AGBL4: variants seen among roughly 807,000 people sequenced by gnomAD.
The protein encoded by AGBL4 is cytosolic carboxypeptidase 6.
Under a neutral mutation model 66.4 loss-of-function variants are expected in AGBL4, and 58 were observed. The observed-to-expected ratio is 0.87, with a 90% CI of 0.71 to 1.09. The LOEUF (loss-of-function observed/expected upper bound fraction) is 1.09, where lower values mean the gene tolerates loss of function less well. Ranked by LOEUF, AGBL4 falls within the 50% of genes least tolerant of loss-of-function variation. The pLI, the probability that AGBL4 is intolerant of heterozygous loss-of-function variation, is 0.00. For synonymous variants in AGBL4, 234 were observed against 222.9 expected, an observed-to-expected ratio of 1.05 and a Z score of -0.44; for missense variants, 579 against 631.0, an observed-to-expected ratio of 0.92 and a Z score of 0.88.
rs2094065 is a variant in AGBL4, at chr1:48,982,963, T to A, written c.594+62621A>T. Among the ~76,000 whole-genome samples, 1,499 of 152,296 alleles carry A rather than the reference T, an allele frequency of 9.8e-3. 35 individuals carry two copies. Among genetic ancestry groups the A allele is most frequent in the African/African-American group, 0.032 (1,341 of 41,578 alleles). On this transcript the variant is annotated intron_variant, in intron 5 of 13. Transcript: ENST00000371839. ...TTCTCTGATGGTGCCAACTAAGGAA[T>A]TAAAACAGGGTTTTACAAGAGAGTG... is the stretch of plus-strand genomic sequence containing the variant.
Position 49,311,263 on chromosome 1 carries a change from G to A in AGBL4, c.283-65399C>T, listed in dbSNP as rs1382623358. Among the ~76,000 whole-genome samples the A allele has an allele frequency of 2.3e-4, 35 of 151,980 alleles. 1 individual carries two copies. The highest frequency in any genetic ancestry group is 2.3e-3 in the Admixed American group (35 of 15,218). On this transcript the variant is annotated intron_variant, in intron 3 of 13. Transcript: ENST00000371839. ...CTTAAATGTTTTACCATGCCACAGA[G>A]GTAGAGAAAGTGGTAGGATTTGATG...
intron 3 of AGBL4, among the ~76,000 whole-genome samples, chr1:49,663,099 T>C (rs1358657398): frequency 6.6e-6 from 1 of 152,112 alleles, no homozygotes; most frequent in Non-Finnish European, 1.5e-5. Context: ...AAATCACTCT[T>C]AAAACACACT....
At chr1:49,501,159 T>C (rs1398911689) in intron 3 of AGBL4, among the ~76,000 whole-genome samples, 3 of 152,106 alleles carry the variant, frequency 2.0e-5, no homozygotes, top group Non-Finnish European at 4.4e-5. Flanking sequence ...CTAAAAGGGG[T>C]TGAGTTCTTC....
At chr1:49,446,708 T>C (rs1198005967) in intron 3 of AGBL4, among the ~76,000 whole-genome samples, 1 of 152,150 alleles carries the variant, frequency 6.6e-6, no homozygotes, top group African/African-American at 2.4e-5. Context: ...GTGTGGACGA[T>C]GACAGTAGCA....
chr1:49,716,903 A>G (rs529812867), intron 2 of AGBL4, among the ~76,000 whole-genome samples: 45 of 152,268 alleles, frequency 3.0e-4, no homozygotes, highest in Middle Eastern at 3.4e-3. Context: ...CTCCTATTCA[A>G]CATAGTGTTG....
intron 3 of AGBL4, among the ~76,000 whole-genome samples, chr1:49,408,307 C>T (rs868595083): frequency 6.6e-5 from 10 of 152,198 alleles, no homozygotes; most frequent in African/African-American, 2.2e-4. Context: ...TTTTAAATAC[C>T]AAATAAATGC....
At chr1:49,244,876 A>G (rs1457843979) in intron 4 of AGBL4, among the ~76,000 whole-genome samples, 2 of 151,816 alleles carry the variant, frequency 1.3e-5, no homozygotes, top group Middle Eastern at 3.2e-3. Context: ...TTGTCTTTGA[A>G]GTCTTTCATT....
intron 2 of AGBL4, among the ~76,000 whole-genome samples, chr1:49,849,269 A>G (rs987972522): frequency 2.6e-5 from 4 of 152,042 alleles, no homozygotes; most frequent in Non-Finnish European, 5.9e-5. Flanking sequence ...GAAACACGGG[A>G]TTGTGAAACT....
chr1:48,652,762 G>T (rs1452422757), intron 8 of AGBL4, among the ~76,000 whole-genome samples: 1 of 152,136 alleles, frequency 6.6e-6, no homozygotes, highest in Admixed American at 6.5e-5. Context: ...GTAAATTATG[G>T]TGCTAAGCCA....
intron 3 of AGBL4, among the ~76,000 whole-genome samples, chr1:49,513,496 T>C (rs955179596): frequency 2.0e-5 from 3 of 152,010 alleles, no homozygotes; most frequent in African/African-American, 7.2e-5. Flanking sequence ...AGCTCTAATT[T>C]ATAAGTGAGA....
At chr1:49,375,275 T>C (rs1350959029) in intron 3 of AGBL4, among the ~76,000 whole-genome samples, 3 of 152,130 alleles carry the variant, frequency 2.0e-5, no homozygotes, top group Non-Finnish European at 4.4e-5. Context: ...CTGATTCCTA[T>C]ACATGGCTCA....
intron 3 of AGBL4, among the ~76,000 whole-genome samples, chr1:49,504,248 G>T (rs1446134309): frequency 6.6e-6 from 1 of 152,066 alleles, no homozygotes; most frequent in Non-Finnish European, 1.5e-5. Flanking sequence ...TGCCATGATT[G>T]TAAGTTTTCT....
chr1:49,858,686 T>C (rs1041827749), intron 1 of AGBL4, among the ~76,000 whole-genome samples: 2 of 151,818 alleles, frequency 1.3e-5, no homozygotes, highest in South Asian at 4.2e-4. Flanking sequence ...AGACCAATAA[T>C]CCTAAAAGTA....
chr1:48,716,674 C>G (rs932998224), intron 6 of AGBL4, among the ~76,000 whole-genome samples: 1 of 152,152 alleles, frequency 6.6e-6, no homozygotes, highest in African/African-American at 2.4e-5. Flanking sequence ...GGGTGGGAAC[C>G]TGGGATAAGT....
At chr1:49,350,200 T>G (rs1309067134) in intron 3 of AGBL4, among the ~76,000 whole-genome samples, 2 of 149,774 alleles carry the variant, frequency 1.3e-5, no homozygotes, top group African/African-American at 2.5e-5. Flanking sequence ...TTTTTTTTTG[T>G]TTTGTTTTGT....
chr1:49,986,503 T>C (rs1002359222), intron 1 of AGBL4, among the ~76,000 whole-genome samples: 1 of 152,068 alleles, frequency 6.6e-6, no homozygotes, highest in Non-Finnish European at 1.5e-5. Context: ...TGCACATATG[T>C]ACATATTCAG....
At chr1:48,614,197 C>A (rs772449093) in intron 9 of AGBL4, among the ~76,000 whole-genome samples, 6 of 152,042 alleles carry the variant, frequency 3.9e-5, no homozygotes, top group Non-Finnish European at 7.4e-5. Context: ...TTGGCATCAA[C>A]TAAAATACAC....
intron 6 of AGBL4, among the ~76,000 whole-genome samples, chr1:48,792,010 C>T (rs1347535803): frequency 1.3e-5 from 2 of 152,152 alleles, no homozygotes; most frequent in East Asian, 1.9e-4. Context: ...ATGTTGCAGT[C>T]CTAACCCCCA....
intron 3 of AGBL4, among the ~76,000 whole-genome samples, chr1:49,458,901 G>A (rs1262985464): frequency 6.6e-6 from 1 of 151,750 alleles, no homozygotes; most frequent in Non-Finnish European, 1.5e-5. Context: ...TGCATCCCTG[G>A]TATGAAAGCC....
Sources: gnomAD v4.1 joint callset for allele counts (sites outside exome capture counted in the v4.1 genomes callset) on GRCh38, gnomAD v4.1.1 for gene constraint, MANE v1.5 for transcripts, NCBI Gene and HGNC (gene_info 2026-07-23, HGNC 2026-07-21) for gene names.